Variants in SGCD observed in about 807,000 individuals in gnomAD.
SGCD encodes sarcoglycan delta, also known as delta-sarcoglycan.
In SGCD, 18 loss-of-function variants were observed where a neutral mutation model predicts 36.6. That is an observed-to-expected ratio of 0.49 (90% CI 0.34 to 0.73). SGCD has a LOEUF of 0.73. Among genes scored for constraint, SGCD ranks in the 30% least tolerant of loss-of-function variants. The probability of loss-of-function intolerance (pLI) is 0.01; values close to 1 mark genes in which losing one functional copy is unlikely to be tolerated. For synonymous variants in SGCD, 133 were observed against 130.6 expected (o/e 1.02, Z -0.12); for missense variants, 387 against 346.7 (o/e 1.12, Z -0.92).
intron 3 of SGCD, among the ~76,000 whole-genome samples, chr5:156,158,124 T>C (rs1249035311): frequency 6.6e-6 from 1 of 151,362 alleles, no homozygotes; most frequent in Admixed American, 6.6e-5. Context: ...GGACTATGCA[T>C]TGAGTGCTGG....
intron 3 of SGCD, among the ~76,000 whole-genome samples, chr5:156,185,460 C>T (rs146688670): frequency 0.011 from 1,639 of 152,110 alleles, 38 homozygotes; most frequent in African/African-American, 0.036. Flanking sequence ...GTGATCCGCC[C>T]GCCTTGGCCT....
At chr5:156,543,682 G>T (rs966487658) in intron 4 of SGCD, among the ~76,000 whole-genome samples, 1 of 152,220 alleles carries the variant, frequency 6.6e-6, no homozygotes, top group Non-Finnish European at 1.5e-5. Context: ...GACACAAAGT[G>T]CTCAGGGGAT....
chr5:156,110,559 T>C (rs1028370226), intron 1 of SGCD, among the ~76,000 whole-genome samples: 1 of 152,128 alleles, frequency 6.6e-6, no homozygotes, highest in Non-Finnish European at 1.5e-5. Context: ...AGTGTTGGAC[T>C]TGTTATTAGC....
intron 6 of SGCD, among the ~76,000 whole-genome samples, chr5:156,624,499 C>T (rs551638668): frequency 5.3e-5 from 8 of 151,984 alleles, no homozygotes; most frequent in South Asian, 2.1e-4. Flanking sequence ...GAGAATGGTG[C>T]GAACCCAGGA....
intron 5 of SGCD, 79 bp downstream of exon 5, chr5:156,589,397 C>A: frequency 1.3e-6 from 1 of 749,432 alleles, no homozygotes; most frequent in Non-Finnish European, 2.3e-6. Context: ...AAGGAAACAC[C>A]ATATGAACCT....
upstream of SGCD, among the ~76,000 whole-genome samples, chr5:155,866,678 AC>A (rs1755530699): frequency 6.6e-6 from 1 of 152,132 alleles, no homozygotes; most frequent in African/African-American, 2.4e-5. Context: ...TCTTTCTCCT[AC>A]ACTGGTTCTT....
intron 3 of SGCD, among the ~76,000 whole-genome samples, chr5:156,138,365 C>T (rs771901686): frequency 6.6e-6 from 1 of 152,208 alleles, no homozygotes; most frequent in Non-Finnish European, 1.5e-5. Flanking sequence ...CGTGCCACTG[C>T]ACTCCAGTCT....
At chr5:156,229,273 C>CATATATATATATATATATATATATAT (rs1383896091) in intron 3 of SGCD, among the ~76,000 whole-genome samples, 104 of 8,508 alleles carry the variant, frequency 0.012, 4 homozygotes, top group African/African-American at 0.023. Flanking sequence ...TATATATATA[C>CATATATATATATATATATATATATAT]ATACATATAT....
At chr5:156,590,116 A>G (rs561529380) in intron 5 of SGCD, among the ~76,000 whole-genome samples, 93 of 152,306 alleles carry the variant, frequency 6.1e-4, no homozygotes, top group African/African-American at 2.0e-3. Flanking sequence ...AGAAAATGCC[A>G]TTTGTTTGGC....
chr5:156,231,057 G>A (rs1315169056), intron 3 of SGCD, among the ~76,000 whole-genome samples: 1 of 152,132 alleles, frequency 6.6e-6, no homozygotes, highest in East Asian at 1.9e-4. Flanking sequence ...AAATAAGGAA[G>A]TGAAAGGTAA....
intron 1 of SGCD, among the ~76,000 whole-genome samples, chr5:155,998,033 G>A (rs894406053): frequency 3.3e-5 from 5 of 152,230 alleles, no homozygotes; most frequent in Admixed American, 1.3e-4. Flanking sequence ...AGCATTGTGT[G>A]TGCACGTGTC....
At chr5:156,632,735 G>A (rs1397303407) in intron 6 of SGCD, among the ~76,000 whole-genome samples, 1 of 152,168 alleles carries the variant, frequency 6.6e-6, no homozygotes, top group African/African-American at 2.4e-5. Context: ...ATTCACTGAA[G>A]AACTGCCTTC....
rs1328561015 is a variant in SGCD at position 156,026,081 on chromosome 5, A to T, written c.-281-91797A>T. Among the ~76,000 whole-genome samples the T allele has an allele frequency of 2.6e-5, 4 of 152,248 alleles. No homozygotes were observed. In the East Asian group the frequency reaches 7.7e-4, roughly 29 times the overall value. ...TTAGACTTTCAATTTACCAAAGAAC[A>T]GTCACTGAATTATTGATAAATGCAA... On this transcript the variant is annotated intron_variant, in intron 1 of 9. Transcript: ENST00000517913.
chr5:156,487,176 G>T (rs1755712286), intron 3 of SGCD, among the ~76,000 whole-genome samples: 2 of 152,178 alleles, frequency 1.3e-5, no homozygotes, highest in African/African-American at 4.8e-5. Flanking sequence ...CTCAAGCAAA[G>T]CCTCACCACA....
At chr5:155,981,762 T>G (rs954229336) in intron 1 of SGCD, among the ~76,000 whole-genome samples, 1 of 152,154 alleles carries the variant, frequency 6.6e-6, no homozygotes, top group Non-Finnish European at 1.5e-5. Flanking sequence ...CTGCCCATCC[T>G]GGGGGCCCTC....
At chr5:155,843,978 C>T in the SGCD span, among the ~76,000 whole-genome samples, 1 of 152,178 alleles carries the variant, frequency 6.6e-6, no homozygotes, top group Admixed American at 6.5e-5. Context: ...TCCAAAAGAT[C>T]TGGATTAATA....
At chr5:156,098,236 T>C (rs2127596001) in intron 1 of SGCD, among the ~76,000 whole-genome samples, 1 of 152,338 alleles carries the variant, frequency 6.6e-6, no homozygotes, top group Non-Finnish European at 1.5e-5. Context: ...AATTCTTTCA[T>C]AGTATTTTTA....
chr5:156,639,754 T>C (rs1762959629), intron 6 of SGCD, among the ~76,000 whole-genome samples: 4 of 152,104 alleles, frequency 2.6e-5, no homozygotes, highest in Admixed American at 2.6e-4. Flanking sequence ...GATAAACTGT[T>C]CCCTCCTTCT....
chr5:155,860,163 TCTC>T, the SGCD span, among the ~76,000 whole-genome samples: 2 of 152,214 alleles, frequency 1.3e-5, no homozygotes, highest in Non-Finnish European at 2.9e-5. Flanking sequence ...TTGTTTTTCT[TCTC>T]CCTTCTACCT....
Sources: gnomAD v4.1 joint callset for allele counts (sites outside exome capture counted in the v4.1 genomes callset) on GRCh38, gnomAD v4.1.1 for gene constraint, MANE v1.5 for transcripts, NCBI Gene and HGNC (gene_info 2026-07-23, HGNC 2026-07-21) for gene names.